EFCAB14: variants seen among roughly 807,000 people sequenced by gnomAD.
EFCAB14 encodes the protein EF-hand calcium-binding domain-containing protein 14.
A neutral mutation model predicts 56.5 loss-of-function variants in EFCAB14; 43 were observed. That is an observed-to-expected ratio of 0.76 (90% CI 0.60 to 0.98). The LOEUF (loss-of-function observed/expected upper bound fraction) is 0.98, where lower values mean the gene tolerates loss of function less well. Among genes scored for constraint, EFCAB14 ranks in the 50% least tolerant of loss-of-function variants. The probability of loss-of-function intolerance (pLI) is 0.00; values close to 1 mark genes in which losing one functional copy is unlikely to be tolerated. For missense variants in EFCAB14, 538 were observed against 580.3 expected, an observed-to-expected ratio of 0.93 and a Z score of 0.75; for synonymous variants, 235 against 212.9, an observed-to-expected ratio of 1.10 and a Z score of -0.90.
intron 5 of EFCAB14, among the ~76,000 whole-genome samples, chr1:46,691,033 C>CT (rs953798372): frequency 4.6e-5 from 7 of 152,082 alleles, no homozygotes; most frequent in African/African-American, 1.7e-4. Context: ...CTGCACCATC[C>CT]TTTTTTTACT....
chr1:46,698,789 G>T (rs2148846246), intron 3 of EFCAB14, among the ~76,000 whole-genome samples: 1 of 152,300 alleles, frequency 6.6e-6, no homozygotes, highest in African/African-American at 2.4e-5. Context: ...AGAACAGACA[G>T]GACTCTGTAA....
chr1:46,718,040 G>A lies in EFCAB14; in HGVS notation c.48C>T (p.Asp16=), dbSNP rs377312234. 1.2e-6 allele frequency: 2 copies of A among 1,614,070 alleles called. No homozygotes were observed. Among genetic ancestry groups the A allele is most frequent in the Non-Finnish European group, 1.7e-6 (2 of 1,180,034 alleles). Reference sequence around the variant, plus strand: ...CTTTCTTGGGCTTCTTTCTCCGGCTGTCCCCAGCCAAACCAATCAATGCAT... The same window carrying A: ...CTTTCTTGGGCTTCTTTCTCCGGCTATCCCCAGCCAAACCAATCAATGCAT... ...ELNALIGLAG[D]SRRKKPKKGP... Residue 16 remains aspartate (D), a synonymous_variant, in exon 1 of 11, where the codon GAC becomes GAT. Transcript: ENST00000371933.
At chr1:46,701,430 A>C (rs1677156367) in intron 3 of EFCAB14, among the ~76,000 whole-genome samples, 1 of 152,248 alleles carries the variant, frequency 6.6e-6, no homozygotes, top group East Asian at 1.9e-4. Context: ...CTGAGGGGAC[A>C]AACACCTTCC....
chr1:46,713,262 T>C (rs1337630340), intron 2 of EFCAB14, among the ~76,000 whole-genome samples: 1 of 152,170 alleles, frequency 6.6e-6, no homozygotes, highest in South Asian at 2.1e-4. Flanking sequence ...GGCATTTCTA[T>C]TGTAGCGAAT....
chr1:46,706,695 G>T (rs1008327630), intron 3 of EFCAB14, among the ~76,000 whole-genome samples: 1 of 152,150 alleles, frequency 6.6e-6, no homozygotes, highest in Non-Finnish European at 1.5e-5. Flanking sequence ...TTGCAAAAAA[G>T]GGGTGAATAC....
At position 46,677,252 on chromosome 1, in the gene EFCAB14, G is replaced by T. The variant is rs1183942772; in HGVS notation, c.*1209C>A. 1 of 152,294 alleles carries T rather than the reference G, an allele frequency of 6.6e-6. No homozygotes were observed. Among genetic ancestry groups the T allele is most frequent in the Non-Finnish European group, 1.5e-5 (1 of 68,040 alleles). The allele number at this position is 152,294 out of a possible 1,614,324, so 9.4% of individuals were successfully genotyped here. On this transcript the variant is annotated 3_prime_UTR_variant, in exon 11 of 11. Coordinates refer to ENST00000371933, the MANE Select transcript of EFCAB14 (RefSeq NM_014774.3). ...CCACCATGTGAAGGCCCTAGCTCCA[G>T]GCCTGCCCTGCTATACTTTGGCATC...
chr1:46,696,429 G>T, intron 4 of EFCAB14, 122 bp downstream of exon 4: 1 of 930,596 alleles, frequency 1.1e-6, no homozygotes, highest in Non-Finnish European at 1.7e-6. Context: ...TGCCCTCTTG[G>T]AGCAGCTGAT....
chr1:46,708,119 T>A (rs1677259568), intron 2 of EFCAB14, 68 bp from the exon 3 acceptor site: 1 of 1,424,850 alleles, frequency 7.0e-7, no homozygotes, highest in Admixed American at 2.4e-5. Context: ...GATGAAAAAA[T>A]CATCAAACAG....
In EFCAB14 at chr1:46,675,352, A is replaced by C. The variant is rs1020134311; in HGVS notation, c.*3109T>G. On this transcript the variant is annotated 3_prime_UTR_variant, in exon 11 of 11. Coordinates refer to ENST00000371933, the MANE Select transcript of EFCAB14 (RefSeq NM_014774.3). ...AATTTCTTAATATGAGAAAACAACA[A>C]GGTAGGTTAGGTTCGTATAACAAAC... The C allele has an allele frequency of 6.6e-6, 1 of 152,628 alleles. No individual in the cohort carries two copies. Among genetic ancestry groups the C allele is most frequent in the East Asian group, 1.9e-4 (1 of 5,202 alleles). The allele number at this position is 152,628 out of a possible 1,614,324, so 9.5% of individuals were successfully genotyped here.
intron 3 of EFCAB14, among the ~76,000 whole-genome samples, chr1:46,699,913 T>C (rs1677130910): frequency 6.6e-6 from 1 of 152,194 alleles, no homozygotes; most frequent in East Asian, 1.9e-4. Context: ...TTAGTCACTC[T>C]GGGGAAGGGA....
Position 46,705,073 on chromosome 1 carries a change from CTTTAA to C in EFCAB14, c.480+2828_480+2832del, listed in dbSNP as rs550973680. Among the ~76,000 whole-genome samples, 205 of 152,306 alleles carry C rather than the reference CTTTAA, an allele frequency of 1.3e-3. No individual in the cohort carries two copies. The Middle Eastern group carries it at 0.014, about 10-fold the overall frequency. On this transcript the variant is annotated intron_variant, in intron 3 of 10. Coordinates refer to ENST00000371933, the MANE Select transcript of EFCAB14 (RefSeq NM_014774.3). ...GATATGGAAACATAGTTAAATATTA[CTTTAA>C]TTTTTCTACCTACTTTGGTTTAGGA...
chr1:46,690,094 G>C (rs145112155), intron 5 of EFCAB14, among the ~76,000 whole-genome samples: 2 of 152,296 alleles, frequency 1.3e-5, no homozygotes, highest in Middle Eastern at 3.4e-3. Context: ...CAAGAGCTTT[G>C]ACATTAAAAA....
At chr1:46,679,597 C>CTTTTTTT (rs1676755901) in intron 10 of EFCAB14, among the ~76,000 whole-genome samples, 1 of 64,176 alleles carries the variant, frequency 1.6e-5, no homozygotes, top group African/African-American at 4.2e-5. Flanking sequence ...ACCACCACGC[C>CTTTTTTT]TGTTTTTTTT....
chr1:46,684,587 T>C lies in EFCAB14; in HGVS notation c.1090A>G (p.Asn364Asp), dbSNP rs753565759. The change falls in exon 9 of 11, where the codon AAT becomes GAT. Residue 364 changes from asparagine to aspartate, a missense_variant. Transcript: ENST00000371933. Reference sequence around the variant, plus strand: ...TCTCTTAGCTTGGATACCTGAGAATTTGAACTATCTTCTTTCTGCACAAAA... The same window carrying C: ...TCTCTTAGCTTGGATACCTGAGAATCTGAACTATCTTCTTTCTGCACAAAA... Reference protein sequence around the residue: ...IQSIKKEDSSNSQVSKLREKL... With the variant: ...IQSIKKEDSSDSQVSKLREKL... The C allele has an allele frequency of 8.7e-6, 14 of 1,613,864 alleles. No homozygotes were observed. Among genetic ancestry groups the C allele is most frequent in the Middle Eastern group, 1.6e-4 (1 of 6,082 alleles).
intron 3 of EFCAB14, among the ~76,000 whole-genome samples, chr1:46,704,220 AGG>A (rs149318323): frequency 0.06 from 9,056 of 152,116 alleles, 836 homozygotes; most frequent in East Asian, 0.39. Flanking sequence ...TGGGAGGCTA[AGG>A]TGGGAGGATC....
chr1:46,704,057 T>C (rs773315779), intron 3 of EFCAB14, among the ~76,000 whole-genome samples: 113 of 152,210 alleles, frequency 7.4e-4, no homozygotes, highest in Non-Finnish European at 1.4e-3. Flanking sequence ...GTGAGATACA[T>C]ACTTAAAAAT....
rs1307021654 is a variant in EFCAB14 at position 46,676,691 on chromosome 1, T to G, written c.*1770A>C. ...CAGAAGGGTGAGAGTTATTTTCAAG[T>G]TACCTAAAGTGCCAGGCTAATTTGT... On this transcript the variant is annotated 3_prime_UTR_variant, in exon 11 of 11. Transcript: ENST00000371933. The G allele has an allele frequency of 6.6e-6, 1 of 152,604 alleles. No homozygotes were observed. The highest frequency in any genetic ancestry group is 6.5e-5 in the Admixed American group (1 of 15,282). 9.5% of individuals were successfully genotyped at this position (152,604 alleles called of 1,614,324 possible).
chr1:46,703,686 T>C (rs1180967489), intron 3 of EFCAB14, among the ~76,000 whole-genome samples: 4 of 152,182 alleles, frequency 2.6e-5, no homozygotes, highest in Non-Finnish European at 5.9e-5. Flanking sequence ...AGCACAAAAA[T>C]ATAAAAAATA....
chr1:46,688,562 A>G lies in EFCAB14; in HGVS notation c.796-18T>C. On this transcript the variant is annotated intron_variant, in intron 6 of 10. Transcript: ENST00000371933. ...AGGATATCCTAGAGTGGAAATAAAT[A>G]AAGTTATGGAATCCACTAAAGACGT... 6.2e-7 allele frequency: 1 copy of G among 1,606,034 alleles called. No homozygotes were observed. The highest frequency in any genetic ancestry group is 8.5e-7 in the Non-Finnish European group (1 of 1,175,238).
Sources: allele counts gnomAD v4.1 joint callset (sites outside exome capture counted in the v4.1 genomes callset), GRCh38; gene constraint gnomAD v4.1.1; transcripts MANE v1.5; gene names NCBI Gene and HGNC (gene_info 2026-07-23, HGNC 2026-07-21).